Variants in CACNA1D observed in about 807,000 individuals in gnomAD.
The protein encoded by CACNA1D is voltage-dependent L-type calcium channel subunit alpha-1D.
CACNA1D carries 55 observed loss-of-function variants against 257.1 expected under a neutral mutation model. The ratio of observed to expected loss-of-function variants is 0.21; its 90% CI spans 0.17 to 0.27. The LOEUF (loss-of-function observed/expected upper bound fraction) is 0.27, where lower values mean the gene tolerates loss of function less well. Ranked by LOEUF, CACNA1D falls within the 10% of genes least tolerant of loss-of-function variation. The pLI is 1.00. For synonymous variants in CACNA1D, 980 were observed against 1,014.9 expected, an observed-to-expected ratio of 0.97 and a Z score of 0.65; for missense variants, 1,876 against 2,784.0, an observed-to-expected ratio of 0.67 and a Z score of 7.34.
At chr3:53,567,133 T>C (rs1375582854) in intron 3 of CACNA1D, among the ~76,000 whole-genome samples, 5 of 152,182 alleles carry the variant, frequency 3.3e-5, no homozygotes, top group African/African-American at 1.2e-4. Flanking sequence ...GGACCAGCCA[T>C]ATTCACTGCA....
At chr3:53,808,859 C>T (rs1005412183) in intron 46 of CACNA1D, 89 bp downstream of exon 46, 1 of 1,350,806 alleles carries the variant, frequency 7.4e-7, no homozygotes, top group Non-Finnish European at 1.0e-6. Context: ...TGGCCTTAAG[C>T]ACCAGGAGGG....
Position 53,811,444 on chromosome 3 carries a change from G to T in CACNA1D, c.*38G>T. On this transcript the variant is annotated 3_prime_UTR_variant, in exon 48 of 48. Transcript: ENST00000350061. The surrounding 1 kb of genome is among the most constrained non-coding windows in gnomAD (Gnocchi z 4.2). ...GGCAGACTGGCTCTGGCCTCAGGTGGGGCGCAGGAGAGCCAGGGGAAAAGT... is the reference window on the plus strand; with the variant it reads ...GGCAGACTGGCTCTGGCCTCAGGTGTGGCGCAGGAGAGCCAGGGGAAAAGT... 1 of 1,494,950 alleles carries T rather than the reference G, an allele frequency of 6.7e-7. No individual in the cohort carries two copies. The highest frequency in any genetic ancestry group is 2.3e-5 in the East Asian group (1 of 43,166). 92.6% of individuals were successfully genotyped at this position (1,494,950 alleles called of 1,614,324 possible).
In CACNA1D at chr3:53,755,346, T is replaced by C. The variant is rs1394685040; in HGVS notation, c.3786+1664T>C. On this transcript the variant is annotated intron_variant, in intron 29 of 47. Coordinates refer to ENST00000350061, the MANE Select transcript of CACNA1D (RefSeq NM_001128840.3). ...ATGTGTGTGTGTCAGTGTGTGTGTG[T>C]GCACATGCGTGTGTGTTCATGTGTG... 5.9e-5 allele frequency among the ~76,000 whole-genome samples: 9 copies of C among 151,938 alleles called. No individual in the cohort carries two copies. In the East Asian group the frequency reaches 9.7e-4, roughly 16 times the overall value.
In CACNA1D at chr3:53,691,889, T is replaced by A. The variant is rs186162600; in HGVS notation, c.1221-10752T>A. Reference sequence around the variant, plus strand: ...TATATATATTACATATAATATATATTATATATATTACATATATTATATATA... The same window carrying A: ...TATATATATTACATATAATATATATAATATATATTACATATATTATATATA... On this transcript the variant is annotated intron_variant, in intron 8 of 47. Coordinates refer to ENST00000350061, the MANE Select transcript of CACNA1D (RefSeq NM_001128840.3). Among the ~76,000 whole-genome samples, 845 of 97,778 alleles carry A rather than the reference T, an allele frequency of 8.6e-3. 11 individuals carry two copies. Among genetic ancestry groups the A allele is most frequent in the African/African-American group, 0.028 (786 of 27,670 alleles). 64.1% of individuals were successfully genotyped at this position (97,778 alleles called of 152,430 possible).
intron 3 of CACNA1D, among the ~76,000 whole-genome samples, chr3:53,504,084 A>G (rs1191862419): frequency 3.3e-5 from 5 of 151,322 alleles, no homozygotes; most frequent in Admixed American, 3.3e-4. Flanking sequence ...CATTTGACCC[A>G]ATTTGTACTA....
At chr3:53,648,401 C>CCT (rs1239414405) in intron 3 of CACNA1D, among the ~76,000 whole-genome samples, 1 of 152,102 alleles carries the variant, frequency 6.6e-6, no homozygotes, top group East Asian at 1.9e-4. Flanking sequence ...TAACAGAGTT[C>CCT]CTTTTTCTTT....
chr3:53,505,384 C>G (rs1240374309), intron 3 of CACNA1D, among the ~76,000 whole-genome samples: 1 of 152,170 alleles, frequency 6.6e-6, no homozygotes, highest in African/African-American at 2.4e-5. Flanking sequence ...GCTGGAATTA[C>G]AGGCTTGAGC....
At position 53,666,367 on chromosome 3, in the gene CACNA1D, A is replaced by G. The variant is rs749915381; in HGVS notation, c.948A>G (p.Pro316=). The G allele has an allele frequency of 5.0e-6, 8 of 1,614,028 alleles. No homozygotes were observed. The highest frequency in any genetic ancestry group is 3.3e-5 in the Admixed American group (2 of 60,006). Residue 316 remains proline (P), a synonymous_variant, in exon 7 of 48, where the codon CCA becomes CCG. Transcript: ENST00000350061. ...TCGTAGCTGAAGAGGACCCAGCTCCATGTGCGTTCTCAGGGAATGGACGCC... is the reference window on the plus strand; with the variant it reads ...TCGTAGCTGAAGAGGACCCAGCTCCGTGTGCGTTCTCAGGGAATGGACGCC... ...SDIVAEEDPA[P]CAFSGNGRQC... is the part of the protein sequence containing the mutation.
chr3:53,520,508 G>A (rs1023491695), intron 3 of CACNA1D, among the ~76,000 whole-genome samples: 1 of 152,244 alleles, frequency 6.6e-6, no homozygotes, highest in African/African-American at 2.4e-5. Context: ...GCTCATGCCT[G>A]TAATCCCAGC....
intron 3 of CACNA1D, among the ~76,000 whole-genome samples, chr3:53,619,112 TG>T: frequency 6.6e-6 from 1 of 152,238 alleles, no homozygotes; most frequent in East Asian, 1.9e-4. Flanking sequence ...GTAGGTCCAT[TG>T]GGCAGAAACC....
At position 53,629,210 on chromosome 3, in the gene CACNA1D, T is replaced by C. The variant is rs1446862842; in HGVS notation, c.484-21569T>C. Among the ~76,000 whole-genome samples, 4 of 152,190 alleles carry C rather than the reference T, an allele frequency of 2.6e-5. No individual in the cohort carries two copies. In the East Asian group the frequency reaches 5.8e-4, roughly 22 times the overall value. ...GAGGCCATAATTTGCCAACCCCTGG[T>C]TTAGTGAAAAGAACAAGTTTCGAGT... On this transcript the variant is annotated intron_variant, in intron 3 of 47. Coordinates refer to ENST00000350061, the MANE Select transcript of CACNA1D (RefSeq NM_001128840.3).
At chr3:53,690,455 G>T (rs1382883456) in intron 8 of CACNA1D, among the ~76,000 whole-genome samples, 5 of 152,218 alleles carry the variant, frequency 3.3e-5, no homozygotes, top group Non-Finnish European at 7.3e-5. Flanking sequence ...TTTGGGTCCT[G>T]TTGCTGGAGG....
At chr3:53,737,302 A>T (rs1401675529) in intron 20 of CACNA1D, among the ~76,000 whole-genome samples, 1 of 152,152 alleles carries the variant, frequency 6.6e-6, no homozygotes, top group Non-Finnish European at 1.5e-5. Flanking sequence ...TGGGGGAAAA[A>T]ATGTACTGAA....
rs113647302 is a variant in CACNA1D, at chr3:53,601,724, G to A, written c.484-49055G>A. ...TTTTTTATTTTTTATTTTTTGAGACGGAGTCTCACTCTGTCACCCAGGCTA... is the reference window on the plus strand; with the variant it reads ...TTTTTTATTTTTTATTTTTTGAGACAGAGTCTCACTCTGTCACCCAGGCTA... On this transcript the variant is annotated intron_variant, in intron 3 of 47. Coordinates refer to ENST00000350061, the MANE Select transcript of CACNA1D (RefSeq NM_001128840.3). Among the ~76,000 whole-genome samples the A allele has an allele frequency of 1.1e-4, 16 of 151,832 alleles. 1 individual carries two copies. Among genetic ancestry groups the A allele is most frequent in the East Asian group, 3.9e-4 (2 of 5,168 alleles).
chr3:53,767,693 G>A (rs1411927144), intron 30 of CACNA1D, among the ~76,000 whole-genome samples: 1 of 152,182 alleles, frequency 6.6e-6, no homozygotes. Flanking sequence ...GGTGGTTTTA[G>A]TGTTCAGGCT....
intron 3 of CACNA1D, among the ~76,000 whole-genome samples, chr3:53,613,109 C>T (rs2107973239): frequency 6.6e-6 from 1 of 152,294 alleles, no homozygotes; most frequent in South Asian, 2.1e-4. Context: ...TCTGTGCAAA[C>T]ACCACAGAGT....
intron 8 of CACNA1D, among the ~76,000 whole-genome samples, chr3:53,689,581 A>G (rs138377943): frequency 0.011 from 1,749 of 152,148 alleles, 18 homozygotes; most frequent in Non-Finnish European, 0.018. Context: ...CCTCTCAGAT[A>G]AGAAGAGGTC....
At chr3:53,795,613 A>T (rs1489485342) in intron 40 of CACNA1D, among the ~76,000 whole-genome samples, 1 of 152,252 alleles carries the variant, frequency 6.6e-6, no homozygotes, top group Admixed American at 6.5e-5. Flanking sequence ...TGGTATAAAG[A>T]TGCTATCAGA....
Position 53,811,665 on chromosome 3 carries a change from G to A in CACNA1D, c.*259G>A. 2.6e-6 allele frequency: 1 copy of A among 382,472 alleles called. No individual in the cohort carries two copies. Among genetic ancestry groups the A allele is most frequent in the South Asian group, 4.8e-5 (1 of 20,976 alleles). 23.7% of individuals were successfully genotyped at this position (382,472 alleles called of 1,614,324 possible). On this transcript the variant is annotated 3_prime_UTR_variant, in exon 48 of 48. Transcript: ENST00000350061. The surrounding 1 kb of genome is among the most constrained non-coding windows in gnomAD (Gnocchi z 4.2). Reference sequence around the variant, plus strand: ...AGGCCCCGCCCTCTCACAGAGGATGGGTGAGGAGGCCAGACCTGCCCTGCC... The same window carrying A: ...AGGCCCCGCCCTCTCACAGAGGATGAGTGAGGAGGCCAGACCTGCCCTGCC...
Sources: gnomAD v4.1 joint callset for allele counts (sites outside exome capture counted in the v4.1 genomes callset) on GRCh38, gnomAD v4.1.1 for gene constraint, Gnocchi (gnomAD v3.1) non-coding constraint, MANE v1.5 for transcripts, NCBI Gene and HGNC (gene_info 2026-07-23, HGNC 2026-07-21) for gene names.